KIF26B: variants seen among roughly 807,000 people sequenced by gnomAD.
The protein encoded by KIF26B is kinesin-like protein KIF26B.
A neutral mutation model predicts 151.2 loss-of-function variants in KIF26B; 63 were observed. The ratio of observed to expected loss-of-function variants is 0.42; its 90% CI spans 0.34 to 0.51. KIF26B has a LOEUF of 0.51. KIF26B is among the 20% of genes least tolerant of loss of function. KIF26B has a pLI of 0.07. For missense variants in KIF26B, 2,813 were observed against 2,913.6 expected (o/e 0.97, Z 0.79); for synonymous variants, 1,357 against 1,262.1 (o/e 1.08, Z -1.59).
At chr1:245,519,247 G>A (rs1039378052) in intron 4 of KIF26B, among the ~76,000 whole-genome samples, 1 of 152,042 alleles carries the variant, frequency 6.6e-6, no homozygotes, top group South Asian at 2.1e-4. Context: ...GAGAAAAAAG[G>A]TTAGGTAAAA....
At chr1:245,294,908 C>A (rs1671312842) in intron 2 of KIF26B, among the ~76,000 whole-genome samples, 1 of 152,198 alleles carries the variant, frequency 6.6e-6, no homozygotes, top group African/African-American at 2.4e-5. Context: ...AGTGATCCAC[C>A]TGCCTCGGCC....
rs1422920801 is a variant in KIF26B, at chr1:245,597,862, G to A, written c.1351-4715G>A. Among the ~76,000 whole-genome samples the A allele has an allele frequency of 2.0e-5, 3 of 151,782 alleles. No individual in the cohort carries two copies. The highest frequency in any genetic ancestry group is 6.6e-5 in the Admixed American group (1 of 15,202). ...CTTTTTTCTCTAATCTTGTCTTCAC[G>A]CTTTATTTCACTAAGTTGATCTTCA... On this transcript the variant is annotated intron_variant, in intron 5 of 14. Coordinates refer to ENST00000407071, the MANE Select transcript of KIF26B (RefSeq NM_018012.4). The surrounding 1 kb of genome is among the most constrained non-coding windows in gnomAD (Gnocchi z 4.6).
intron 2 of KIF26B, among the ~76,000 whole-genome samples, chr1:245,173,995 A>C (rs1182037716): frequency 6.6e-6 from 1 of 152,236 alleles, no homozygotes; most frequent in African/African-American, 2.4e-5. Context: ...AAGTAAACAC[A>C]TTGAGCCGGC....
chr1:245,597,595 C>T lies in KIF26B; in HGVS notation c.1351-4982C>T, dbSNP rs933556523. Among the ~76,000 whole-genome samples, 1 of 152,048 alleles carries T rather than the reference C, an allele frequency of 6.6e-6. No individual in the cohort carries two copies. The highest frequency in any genetic ancestry group is 6.6e-5 in the Admixed American group (1 of 15,266). On this transcript the variant is annotated intron_variant, in intron 5 of 14. Transcript: ENST00000407071. The surrounding 1 kb of genome is among the most constrained non-coding windows in gnomAD (Gnocchi z 4.6). ...ATCATTTCAACCTTGGTGAATCTGACGATTTTGTGTCTTGGGGTTGCTCTT... is the reference window on the plus strand; with the variant it reads ...ATCATTTCAACCTTGGTGAATCTGATGATTTTGTGTCTTGGGGTTGCTCTT...
intron 4 of KIF26B, among the ~76,000 whole-genome samples, chr1:245,445,273 A>G (rs978174561): frequency 1.3e-5 from 2 of 152,214 alleles, no homozygotes; most frequent in African/African-American, 4.8e-5. Flanking sequence ...CTTCCAGGCA[A>G]CCCCAGCCTT....
intron 10 of KIF26B, among the ~76,000 whole-genome samples, chr1:245,661,564 A>T (rs1044781921): frequency 6.7e-6 from 1 of 150,040 alleles, no homozygotes; most frequent in Non-Finnish European, 1.5e-5. Context: ...ACCCAATGTT[A>T]TATATATATA....
At chr1:245,316,313 GGGGCCTC>G (rs1671774459) in intron 2 of KIF26B, among the ~76,000 whole-genome samples, 2 of 151,954 alleles carry the variant, frequency 1.3e-5, no homozygotes, top group African/African-American at 4.8e-5. Flanking sequence ...TAGTAGAGAT[GGGGCCTC>G]ACCATGTTGG....
chr1:245,314,808 A>G (rs369137117), intron 2 of KIF26B, among the ~76,000 whole-genome samples: 6 of 152,224 alleles, frequency 3.9e-5, no homozygotes, highest in African/African-American at 1.4e-4. Flanking sequence ...TTTTCATATG[A>G]AATCATTTTC....
intron 2 of KIF26B, among the ~76,000 whole-genome samples, chr1:245,248,539 C>T (rs563586008): frequency 2.0e-5 from 3 of 152,326 alleles, no homozygotes; most frequent in African/African-American, 7.2e-5. Context: ...TGGTCACAGA[C>T]ACTCTCTTGC....
intron 10 of KIF26B, among the ~76,000 whole-genome samples, chr1:245,656,208 C>G (rs950121837): frequency 7.0e-6 from 1 of 143,026 alleles, no homozygotes; most frequent in Non-Finnish European, 1.5e-5. Flanking sequence ...CGCACATCAG[C>G]GCTGAATCGG....
intron 2 of KIF26B, among the ~76,000 whole-genome samples, chr1:245,188,100 C>T (rs997403756): frequency 2.0e-5 from 3 of 151,804 alleles, no homozygotes; most frequent in South Asian, 2.1e-4. Flanking sequence ...GCCGACATGG[C>T]AAAACCCCAT....
At chr1:245,295,880 G>A (rs1671328050) in intron 2 of KIF26B, among the ~76,000 whole-genome samples, 1 of 152,144 alleles carries the variant, frequency 6.6e-6, no homozygotes, top group South Asian at 2.1e-4. Context: ...TGGCCTTGAG[G>A]AATAAGGAGG....
At chr1:245,400,550 C>A (rs1055515394) in intron 3 of KIF26B, among the ~76,000 whole-genome samples, 3 of 143,478 alleles carry the variant, frequency 2.1e-5, no homozygotes, top group African/African-American at 7.7e-5. Context: ...CCCCTGCTAT[C>A]CAGCATGGGG....
intron 3 of KIF26B, among the ~76,000 whole-genome samples, chr1:245,391,811 T>C (rs1000781761): frequency 6.6e-6 from 1 of 152,218 alleles, no homozygotes; most frequent in South Asian, 2.1e-4. Flanking sequence ...AATGCATCTA[T>C]ATTTTAAAGT....
chr1:245,245,749 G>T (rs1670316706), intron 2 of KIF26B, among the ~76,000 whole-genome samples: 1 of 152,078 alleles, frequency 6.6e-6, no homozygotes, highest in Non-Finnish European at 1.5e-5. Context: ...TGGCCAAGAT[G>T]GTGAAACTGT....
rs180946913 is a variant in KIF26B at position 245,284,980 on chromosome 1, G to A, written c.466-81854G>A. ...CTTGAACCTGGGAGGTGGAGGTTGCGGTGAGCAGAGATCGTGCCACTGCAC... is the reference window on the plus strand; with the variant it reads ...CTTGAACCTGGGAGGTGGAGGTTGCAGTGAGCAGAGATCGTGCCACTGCAC... On this transcript the variant is annotated intron_variant, in intron 2 of 14. Coordinates refer to ENST00000407071, the MANE Select transcript of KIF26B (RefSeq NM_018012.4). 1.9e-4 allele frequency among the ~76,000 whole-genome samples: 29 copies of A among 152,302 alleles called. No individual in the cohort carries two copies. The East Asian group carries it at 4.3e-3, about 22-fold the overall frequency.
intron 9 of KIF26B, among the ~76,000 whole-genome samples, chr1:245,642,823 G>T (rs1012069370): frequency 6.6e-6 from 1 of 152,112 alleles, no homozygotes; most frequent in Non-Finnish European, 1.5e-5. Context: ...CAGAGAGAGG[G>T]TCTGGAGCTG....
rs2044688567 is a variant in KIF26B at position 245,696,020 on chromosome 1, C to T, written c.5825-2086C>T. ...CAGGAGATGGAGGGTGGCTCTTATCCAAGACATTTTCCCATCTGATCATAT... is the reference window on the plus strand; with the variant it reads ...CAGGAGATGGAGGGTGGCTCTTATCTAAGACATTTTCCCATCTGATCATAT... On this transcript the variant is annotated intron_variant, in intron 12 of 14. Transcript: ENST00000407071. Among the ~76,000 whole-genome samples the T allele has an allele frequency of 5.3e-5, 8 of 152,352 alleles. No homozygotes were observed. The South Asian group carries it at 1.5e-3, about 28-fold the overall frequency.
intron 4 of KIF26B, among the ~76,000 whole-genome samples, chr1:245,489,344 T>C (rs1660349118): frequency 6.6e-6 from 1 of 152,234 alleles, no homozygotes; most frequent in African/African-American, 2.4e-5. Context: ...GGACTTCTGA[T>C]GCTAATGTAG....
Sources: allele counts gnomAD v4.1 joint callset (sites outside exome capture counted in the v4.1 genomes callset), GRCh38; gene constraint gnomAD v4.1.1; non-coding constraint Gnocchi (gnomAD v3.1); transcripts MANE v1.5; gene names NCBI Gene and HGNC (gene_info 2026-07-23, HGNC 2026-07-21).